KCNIP1: variants seen among roughly 807,000 people sequenced by gnomAD.
KCNIP1 encodes the protein potassium voltage-gated channel interacting protein 1, also known as A-type potassium channel modulatory protein KCNIP1.
A neutral mutation model predicts 33.0 loss-of-function variants in KCNIP1; 18 were observed. The ratio of observed to expected loss-of-function variants is 0.55; its 90% CI spans 0.38 to 0.81. The LOEUF (loss-of-function observed/expected upper bound fraction) is 0.81, where lower values mean the gene tolerates loss of function less well. Among genes scored for constraint, KCNIP1 ranks in the 30% least tolerant of loss-of-function variants. The pLI, the probability that KCNIP1 is intolerant of heterozygous loss-of-function variation, is 0.00. For missense variants in KCNIP1, 238 were observed against 271.6 expected (o/e 0.88, Z 0.87); for synonymous variants, 93 against 98.3 (o/e 0.95, Z 0.32).
At chr5:170,646,353 G>A (rs1221483048) in intron 1 of KCNIP1, among the ~76,000 whole-genome samples, 1 of 152,160 alleles carries the variant, frequency 6.6e-6, no homozygotes, top group Non-Finnish European at 1.5e-5. Flanking sequence ...CAAAGTATTT[G>A]CAAATTGAGT....
chr5:170,671,944 A>G (rs921403247), intron 1 of KCNIP1, among the ~76,000 whole-genome samples: 1 of 152,266 alleles, frequency 6.6e-6, no homozygotes, highest in African/African-American at 2.4e-5. Flanking sequence ...ATACACAGTG[A>G]CAATACAGTG....
chr5:170,705,538 A>G (rs1354796927), intron 1 of KCNIP1, among the ~76,000 whole-genome samples: 1 of 152,168 alleles, frequency 6.6e-6, no homozygotes, highest in Non-Finnish European at 1.5e-5. Flanking sequence ...TCCAGGCCCT[A>G]TGCTTCTGGT....
At chr5:170,488,073 A>G (rs1407678091) in intron 1 of KCNIP1, among the ~76,000 whole-genome samples, 1 of 152,190 alleles carries the variant, frequency 6.6e-6, no homozygotes, top group African/African-American at 2.4e-5. Flanking sequence ...TGAACCCCCA[A>G]TATAAGCTGA....
chr5:170,459,027 C>G (rs1756451277), intron 1 of KCNIP1, among the ~76,000 whole-genome samples: 1 of 151,662 alleles, frequency 6.6e-6, no homozygotes, highest in Non-Finnish European at 1.5e-5. Context: ...ACATTCTATG[C>G]AAATGGAGTA....
chr5:170,603,921 G>A (rs531861325), intron 1 of KCNIP1, among the ~76,000 whole-genome samples: 1 of 152,198 alleles, frequency 6.6e-6, no homozygotes, highest in African/African-American at 2.4e-5. Flanking sequence ...TCACTGTTAG[G>A]GGGTAGATTC....
chr5:170,661,883 A>G (rs188510850), intron 1 of KCNIP1, among the ~76,000 whole-genome samples: 121 of 152,194 alleles, frequency 8.0e-4, no homozygotes, highest in Middle Eastern at 6.8e-3. Context: ...TCCAAAACCA[A>G]TTTCTACTTC....
At chr5:170,499,492 G>A (rs969806560), upstream of KCNIP1, among the ~76,000 whole-genome samples, 3 of 152,192 alleles carry the variant, frequency 2.0e-5, no homozygotes, top group African/African-American at 7.2e-5. Context: ...CTGAAAGCAG[G>A]GTTCAGAGAT....
intron 1 of KCNIP1, among the ~76,000 whole-genome samples, chr5:170,465,636 C>CAAAGAGAGAGACAG (rs1756592617): frequency 6.6e-6 from 1 of 152,054 alleles, no homozygotes; most frequent in Non-Finnish European, 1.5e-5. Context: ...CACACAAACA[C>CAAAGAGAGAGACAG]AAAGAGAGAG....
chr5:170,533,217 A>C (rs1378762604), intron 1 of KCNIP1, among the ~76,000 whole-genome samples: 1 of 152,056 alleles, frequency 6.6e-6, no homozygotes, highest in Non-Finnish European at 1.5e-5. Context: ...AGGGGTGGAT[A>C]ATAAGCAAGG....
intron 1 of KCNIP1, among the ~76,000 whole-genome samples, chr5:170,425,160 C>A (rs1755584299): frequency 6.6e-6 from 1 of 152,194 alleles, no homozygotes; most frequent in African/African-American, 2.4e-5. Context: ...TTCTTATTTG[C>A]TATTTTCCTA....
intron 1 of KCNIP1, chr5:170,378,526 G>C (rs940607147): frequency 5.5e-6 from 4 of 729,616 alleles, no homozygotes; most frequent in African/African-American, 5.3e-5. Context: ...TCTTGAGCAG[G>C]CAATGACTTC....
chr5:170,510,694 G>A (rs1419562510), intron 1 of KCNIP1, among the ~76,000 whole-genome samples: 1 of 152,198 alleles, frequency 6.6e-6, no homozygotes, highest in Non-Finnish European at 1.5e-5. Flanking sequence ...CCCCAGCCAT[G>A]GGAGTAGTAC....
chr5:170,628,280 G>A (rs377196819), intron 1 of KCNIP1, among the ~76,000 whole-genome samples: 1 of 152,048 alleles, frequency 6.6e-6, no homozygotes, highest in African/African-American at 2.4e-5. Context: ...AAGGTCAGGC[G>A]AACCACCTCC....
At chr5:170,416,238 A>C (rs1047011637) in intron 1 of KCNIP1, among the ~76,000 whole-genome samples, 1 of 151,934 alleles carries the variant, frequency 6.6e-6, no homozygotes, top group Non-Finnish European at 1.5e-5. Flanking sequence ...GTGGCCCCCA[A>C]GTCATATCTC....
intron 1 of KCNIP1, among the ~76,000 whole-genome samples, chr5:170,584,723 A>G (rs954591259): frequency 6.6e-6 from 1 of 152,154 alleles, no homozygotes; most frequent in Non-Finnish European, 1.5e-5. Context: ...TCTTTTCCCC[A>G]GTGACTCATA....
chr5:170,471,357 T>C (rs897687231), intron 1 of KCNIP1, among the ~76,000 whole-genome samples: 4 of 152,246 alleles, frequency 2.6e-5, no homozygotes, highest in Non-Finnish European at 4.4e-5. Context: ...CCCAATACCT[T>C]GTCCAGAAGA....
chr5:170,471,462 G>C (rs537737187), intron 1 of KCNIP1, among the ~76,000 whole-genome samples: 2 of 152,170 alleles, frequency 1.3e-5, no homozygotes, highest in African/African-American at 2.4e-5. Context: ...TCCCTTCAAG[G>C]GCGAGGGTAG....
At chr5:170,371,170 C>T (rs1054702820) in intron 1 of KCNIP1, among the ~76,000 whole-genome samples, 4 of 152,140 alleles carry the variant, frequency 2.6e-5, no homozygotes. Context: ...CCATGGTGTG[C>T]CTGGGTTCCA....
intron 1 of KCNIP1, among the ~76,000 whole-genome samples, chr5:170,521,845 T>C (rs760389386): frequency 2.6e-5 from 4 of 152,212 alleles, no homozygotes; most frequent in Admixed American, 6.5e-5. Flanking sequence ...CATAGAATTG[T>C]TTTTATCATT....
Sources: allele counts gnomAD v4.1 joint callset (sites outside exome capture counted in the v4.1 genomes callset), GRCh38; gene constraint gnomAD v4.1.1; transcripts MANE v1.5; gene names NCBI Gene and HGNC (gene_info 2026-07-23, HGNC 2026-07-21).